RAB40B: variants seen among roughly 807,000 people sequenced by gnomAD.
RAB40B encodes the protein RAB40B, member RAS oncogene family, also known as ras-related protein Rab-40B.
RAB40B carries 21 observed loss-of-function variants against 24.0 expected under a neutral mutation model. That is an observed-to-expected ratio of 0.88 (90% confidence interval 0.62 to 1.26). RAB40B has a LOEUF of 1.26. Among genes scored for constraint, RAB40B ranks in the 50% most tolerant of loss-of-function variants. The probability of loss-of-function intolerance (pLI) is 0.00; values close to 1 mark genes in which losing one functional copy is unlikely to be tolerated. For synonymous variants in RAB40B, 167 were observed against 169.8 expected, an observed-to-expected ratio of 0.98 and a Z score of 0.13; for missense variants, 348 against 390.5, an observed-to-expected ratio of 0.89 and a Z score of 0.92.
At chr17:82,660,962 C>G in intron 3 of RAB40B, 25 bp downstream of exon 3, 1 of 1,611,516 alleles carries the variant, frequency 6.2e-7, no homozygotes, top group Non-Finnish European at 8.5e-7. Flanking sequence ...GGTTTGATCT[C>G]CCAGCTCGGG....
At chr17:82,670,534 ATT>A (rs200923067) in intron 1 of RAB40B, among the ~76,000 whole-genome samples, 24,216 of 129,546 alleles carry the variant, frequency 0.19, 2,067 homozygotes, top group Non-Finnish European at 0.2. Context: ...AGAATTCCTG[ATT>A]TTTTTTTTTT....
rs755867641 is a variant in RAB40B at position 82,658,022 on chromosome 17, C to G, written c.678G>C (p.Ser226=). The part of the protein sequence containing the change: ...IALRSHLKSF[S]MANGLNARMM... The stretch of plus-strand genomic sequence containing the variant: ...TCCTGGCATTCAGGCCGTTGGCCAT[C>G]GAGAAGGACTTGAGGTGGCTTCTTA... Residue 226 remains serine (S), a synonymous_variant, in exon 6 of 6, where the codon TCG becomes TCC. Transcript: ENST00000571995. The G allele has an allele frequency of 1.9e-6, 3 of 1,614,190 alleles. No homozygotes were observed. The South Asian group carries it at 3.3e-5, about 18-fold the overall frequency.
At chr17:82,673,896 C>A (rs1169255385) in intron 1 of RAB40B, among the ~76,000 whole-genome samples, 1 of 152,200 alleles carries the variant, frequency 6.6e-6, no homozygotes, top group African/African-American at 2.4e-5. Context: ...CTGTTTCCCA[C>A]CTTTCTTGTC....
intron 1 of RAB40B, among the ~76,000 whole-genome samples, chr17:82,670,476 C>T (rs545800237): frequency 2.5e-4 from 38 of 152,000 alleles, no homozygotes; most frequent in African/African-American, 7.7e-4. Context: ...TGAGCCACCA[C>T]GCCCAGCCAA....
intron 1 of RAB40B, among the ~76,000 whole-genome samples, chr17:82,668,620 G>A (rs1479695469): frequency 6.6e-6 from 1 of 152,280 alleles, no homozygotes; most frequent in Admixed American, 6.5e-5. Context: ...GTCTGCAGCA[G>A]CACCTGGGCT....
intron 1 of RAB40B, among the ~76,000 whole-genome samples, chr17:82,668,986 C>T (rs2046298298): frequency 6.6e-6 from 1 of 152,238 alleles, no homozygotes; most frequent in Non-Finnish European, 1.5e-5. Flanking sequence ...AGACCAAAAC[C>T]ACACTGCTGT....
intron 2 of RAB40B, 59 bp from the exon 3 acceptor site, chr17:82,661,106 T>C: frequency 6.3e-7 from 1 of 1,583,012 alleles, no homozygotes; most frequent in South Asian, 1.1e-5. Context: ...GACAACAGGT[T>C]CTGGAACTTC....
At chr17:82,659,141 C>T (rs2046127980) in intron 4 of RAB40B, 1 of 241,500 alleles carries the variant, frequency 4.1e-6, no homozygotes, top group Non-Finnish European at 8.1e-6. Flanking sequence ...GTTCAGGACG[C>T]CCAGGTTGTG....
At chr17:82,685,808 T>TC (rs200966226) in intron 1 of RAB40B, among the ~76,000 whole-genome samples, 4 of 11,484 alleles carry the variant, frequency 3.5e-4, no homozygotes, top group Non-Finnish European at 2.6e-3. Flanking sequence ...TTCTTCTTCT[T>TC]TTTTTTTTTT....
At chr17:82,659,461 G>A (rs2046133168) in intron 4 of RAB40B, 119 bp downstream of exon 4, 11 of 925,898 alleles carry the variant, frequency 1.2e-5, no homozygotes, top group South Asian at 3.0e-5. Context: ...AGCGCCATCC[G>A]GTGCCCTGGC....
chr17:82,683,327 C>T (rs2046463898), intron 1 of RAB40B, among the ~76,000 whole-genome samples: 1 of 152,182 alleles, frequency 6.6e-6, no homozygotes, highest in South Asian at 2.1e-4. Flanking sequence ...TGGATTTCTT[C>T]AAAAGTAAAA....
Position 82,675,817 on chromosome 17 carries a change from G to A in RAB40B, c.143-11261C>T, listed in dbSNP as rs988999204. ...ACCTTGGGGTTAGGTTTCAGCACCC[G>A]AATTTGGGGGGGTCACAAACATTCA... On this transcript the variant is annotated intron_variant, in intron 1 of 5. Coordinates refer to ENST00000571995, the MANE Select transcript of RAB40B (RefSeq NM_006822.3). The surrounding 1 kb of genome is among the most constrained non-coding windows in gnomAD (Gnocchi z 4.5). Among the ~76,000 whole-genome samples, 2 of 152,038 alleles carry A rather than the reference G, an allele frequency of 1.3e-5. No individual in the cohort carries two copies. Among genetic ancestry groups the A allele is most frequent in the Non-Finnish European group, 1.5e-5 (1 of 67,974 alleles).
At chr17:82,668,297 C>G (rs2046283785) in intron 1 of RAB40B, 1 of 154,422 alleles carries the variant, frequency 6.5e-6, no homozygotes, top group Non-Finnish European at 1.5e-5. Context: ...CATGCACATC[C>G]CCCCTCTGAC....
intron 1 of RAB40B, among the ~76,000 whole-genome samples, chr17:82,694,853 A>G (rs1302841595): frequency 6.6e-6 from 1 of 151,766 alleles, no homozygotes; most frequent in African/African-American, 2.4e-5. Context: ...ACATTGTTCA[A>G]AGATAAAGAC....
rs777231823 is a variant in RAB40B at position 82,661,058 on chromosome 17, T to C, written c.204-11A>G. On this transcript the variant is annotated splice_polypyrimidine_tract_variant and intron_variant, in intron 2 of 5. Coordinates refer to ENST00000571995, the MANE Select transcript of RAB40B (RefSeq NM_006822.3). ...TGGCCTGAAGTATCCCTGGAAAAGA[T>C]GTTGGAGACCATTAAGAAGAAACCA... 1 of 1,613,874 alleles carries C rather than the reference T, an allele frequency of 6.2e-7. No individual in the cohort carries two copies. The highest frequency in any genetic ancestry group is 1.7e-5 in the Admixed American group (1 of 59,994).
rs775239690 is a variant in RAB40B at position 82,681,758 on chromosome 17, A to G, written c.142+16697T>C. Among the ~76,000 whole-genome samples the G allele has an allele frequency of 2.8e-4, 43 of 152,206 alleles. 1 individual carries two copies. Among genetic ancestry groups the G allele is most frequent in the South Asian group, 1.0e-3 (5 of 4,830 alleles). On this transcript the variant is annotated intron_variant, in intron 1 of 5. Transcript: ENST00000571995. Reference sequence around the variant, plus strand: ...AAAATCTATCAATGCAATTTATCACATCAATAAATCAAAAAAGAAAAACCC... The same window carrying G: ...AAAATCTATCAATGCAATTTATCACGTCAATAAATCAAAAAAGAAAAACCC...
At chr17:82,695,992 C>T (rs1183701990) in intron 1 of RAB40B, among the ~76,000 whole-genome samples, 1 of 152,104 alleles carries the variant, frequency 6.6e-6, no homozygotes. Context: ...GCCTCAGCCT[C>T]CCGAGTAGCT....
At position 82,675,580 on chromosome 17, in the gene RAB40B, T is replaced by C. The variant is rs141630266; in HGVS notation, c.143-11024A>G. On this transcript the variant is annotated intron_variant, in intron 1 of 5. Coordinates refer to ENST00000571995, the MANE Select transcript of RAB40B (RefSeq NM_006822.3). The surrounding 1 kb of genome is among the most constrained non-coding windows in gnomAD (Gnocchi z 4.5). ...GCAGCTCCTAAACAACAGAAACTTG[T>C]CATCACAGTTCTGGAGGCTGGAAGT... 2.7e-4 allele frequency among the ~76,000 whole-genome samples: 41 copies of C among 152,206 alleles called. No individual in the cohort carries two copies. The highest frequency in any genetic ancestry group is 9.6e-4 in the African/African-American group (40 of 41,524).
intron 1 of RAB40B, among the ~76,000 whole-genome samples, chr17:82,690,068 A>C (rs572788719): frequency 4.2e-4 from 64 of 152,304 alleles, no homozygotes; most frequent in African/African-American, 1.4e-3. Context: ...TCAAACTTGA[A>C]AGTGATGACT....
Sources: allele counts gnomAD v4.1 joint callset (sites outside exome capture counted in the v4.1 genomes callset), GRCh38; gene constraint gnomAD v4.1.1; non-coding constraint Gnocchi (gnomAD v3.1); transcripts MANE v1.5; gene names NCBI Gene and HGNC (gene_info 2026-07-23, HGNC 2026-07-21).